Variants in TMEM165 observed in about 807,000 individuals in gnomAD.
TMEM165 encodes transmembrane protein 165, also known as putative divalent cation/proton antiporter TMEM165.
TMEM165 carries 19 observed loss-of-function variants against 30.0 expected under a neutral mutation model. The observed-to-expected ratio is 0.63, with a 90% CI of 0.44 to 0.93. The LOEUF (loss-of-function observed/expected upper bound fraction) is 0.93. TMEM165 is among the 40% of genes least tolerant of loss of function. TMEM165 has a pLI of 0.00. For missense variants in TMEM165, 340 were observed against 417.0 expected (o/e 0.82, Z 1.61); for synonymous variants, 168 against 162.9 (o/e 1.03, Z -0.24).
At chr4:55,453,071 C>T in exon 4 of TMEM165, 1 of 1,610,596 alleles carries the variant, frequency 6.2e-7, no homozygotes, top group Non-Finnish European at 8.5e-7. Flanking sequence ...GCAGCTGTCT[C>T]AGGAAGAGAC....
intron 5 of TMEM165, 55 bp from the exon 6 acceptor site, chr4:55,425,321 C>G: frequency 1.4e-6 from 2 of 1,409,246 alleles, no homozygotes; most frequent in Non-Finnish European, 2.0e-6. Context: ...TCATTTTGTA[C>G]AGTATCAAGG....
At chr4:55,444,017 A>G (rs1210467964) in intron 3 of TMEM165, 1 of 766,096 alleles carries the variant, frequency 1.3e-6, no homozygotes. Context: ...AGGCTAAGTC[A>G]CTTTGAAGAA....
At chr4:55,444,932 A>T in intron 3 of TMEM165, 2 of 852,864 alleles carry the variant, frequency 2.3e-6, no homozygotes, top group Non-Finnish European at 3.7e-6. Flanking sequence ...TAATCCACCC[A>T]TCTTTGCTCT....
rs1262389011 is a variant in TMEM165, at chr4:55,421,188, AGAC to A, written c.792+3207_792+3209del. Among the ~76,000 whole-genome samples the A allele has an allele frequency of 8.8e-4, 126 of 142,592 alleles. 2 individuals carry two copies. Among genetic ancestry groups the A allele is most frequent in the African/African-American group, 3.4e-3 (122 of 36,358 alleles). 93.5% of individuals were successfully genotyped at this position (142,592 alleles called of 152,430 possible). A position where few individuals can be genotyped will look rare whatever the true frequency, so the allele number is the denominator to read the frequency against. On this transcript the variant is annotated intron_variant, in intron 4 of 5. Transcript: ENST00000381334. ...TCTCAAAAAAAAAAAAAAAAAAAAA[AGAC>A]GACTCAGTATACAAATAAAGACTGG...
At chr4:55,447,273 G>A (rs189925980) in intron 3 of TMEM165, among the ~76,000 whole-genome samples, 91 of 152,138 alleles carry the variant, frequency 6.0e-4, no homozygotes, top group Admixed American at 1.8e-3. Flanking sequence ...AGACTGAGGC[G>A]GGATCGCCTG....
intron 4 of TMEM165, among the ~76,000 whole-genome samples, chr4:55,422,183 G>T (rs1207868891): frequency 6.6e-6 from 1 of 152,160 alleles, no homozygotes; most frequent in Non-Finnish European, 1.5e-5. Context: ...TTCTTTCTCT[G>T]TCCTTCCTTG....
chr4:55,399,077 C>T (rs917013617), intron 1 of TMEM165: 2 of 151,982 alleles, frequency 1.3e-5, no homozygotes, highest in African/African-American at 2.4e-5. Context: ...TTCCGGGACT[C>T]TTATAAAGTT....
chr4:55,419,343 C>G (rs1488313849), intron 4 of TMEM165, among the ~76,000 whole-genome samples: 3 of 152,058 alleles, frequency 2.0e-5, no homozygotes, highest in African/African-American at 7.2e-5. Context: ...AAGTCTTAGC[C>G]CAAGAATCCT....
intron 1 of TMEM165, among the ~76,000 whole-genome samples, chr4:55,407,965 G>A (rs2048564): frequency 0.3 from 46,213 of 151,932 alleles, 7,644 homozygotes; most frequent in East Asian, 0.58. Context: ...AGGTCACGCC[G>A]TAACTGATAA....
Position 55,435,398 on chromosome 4 carries a change from G to A in TMEM165, c.408+10755G>A, listed in dbSNP as rs536813389. 2.5e-5 allele frequency: 40 copies of A among 1,613,638 alleles called. No homozygotes were observed. The Admixed American group carries it at 6.2e-4, about 25-fold the overall frequency. ...CATCCCCTTCCTCCCTTGATGTCAA[G>A]AGAGGAAGCACGTGTGCTACTGTGG... On this transcript the variant is annotated intron_variant, in intron 3 of 3. Coordinates refer to the TMEM165 transcript ENST00000608091.
chr4:55,443,582 A>C (rs1286319898), intron 3 of TMEM165: 4 of 894,644 alleles, frequency 4.5e-6, no homozygotes, highest in South Asian at 4.2e-5. Context: ...AATACTATTA[A>C]ATTTTGAAAT....
chr4:55,412,904 T>A (rs1190949817), intron 2 of TMEM165, among the ~76,000 whole-genome samples: 1 of 152,110 alleles, frequency 6.6e-6, no homozygotes, highest in Non-Finnish European at 1.5e-5. Flanking sequence ...AAATATATTA[T>A]AAATTTAAAT....
At chr4:55,412,417 A>T (rs989780932) in intron 2 of TMEM165, among the ~76,000 whole-genome samples, 11 of 148,674 alleles carry the variant, frequency 7.4e-5, no homozygotes, top group African/African-American at 2.7e-4. Context: ...AAAAAAAAAA[A>T]GGGAGACTGT....
At chr4:55,406,832 T>C (rs1199226512) in intron 1 of TMEM165, among the ~76,000 whole-genome samples, 1 of 152,088 alleles carries the variant, frequency 6.6e-6, no homozygotes, top group Non-Finnish European at 1.5e-5. Flanking sequence ...CCAGCTACTT[T>C]TGTATTTTTT....
At position 55,402,743 on chromosome 4, in the gene TMEM165, G is replaced by A. The variant is rs1247847911; in HGVS notation, c.207+6347G>A. Among the ~76,000 whole-genome samples, 3 of 144,298 alleles carry A rather than the reference G, an allele frequency of 2.1e-5. 1 individual carries two copies. The highest frequency in any genetic ancestry group is 5.5e-5 in the African/African-American group (2 of 36,694). The allele number at this position is 144,298 out of a possible 152,430, so 94.7% of individuals were successfully genotyped here. On this transcript the variant is annotated intron_variant, in intron 1 of 5. Transcript: ENST00000381334. ...ATTACAGGCATGAGCCACCATGCCC[G>A]GCCTAAGTGCATATATATTTTTGGG...
intron 2 of TMEM165, among the ~76,000 whole-genome samples, chr4:55,413,792 A>ATG (rs1374890866): frequency 6.6e-6 from 1 of 152,232 alleles, no homozygotes; most frequent in Admixed American, 6.5e-5. Flanking sequence ...AAAATTGTAA[A>ATG]TGTGTATATA....
At chr4:55,398,009 T>C (rs1348720914) in intron 1 of TMEM165, among the ~76,000 whole-genome samples, 1 of 152,236 alleles carries the variant, frequency 6.6e-6, no homozygotes, top group East Asian at 1.9e-4. Flanking sequence ...TCCCAAGTGC[T>C]GGTGAGCTCT....
chr4:55,402,795 C>CTTTT (rs71194554), intron 1 of TMEM165, among the ~76,000 whole-genome samples: 6 of 71,414 alleles, frequency 8.4e-5, no homozygotes, highest in Admixed American at 7.9e-4. Context: ...TTAAAAAAAG[C>CTTTT]TTTTTTTTTT....
downstream of TMEM165, among the ~76,000 whole-genome samples, chr4:55,427,656 TAAC>T (rs545230029): frequency 0.013 from 1,932 of 152,284 alleles, 46 homozygotes; most frequent in African/African-American, 0.043. Context: ...TTTTTTCTAA[TAAC>T]AACAGAAAAG....
Sources: gnomAD v4.1 joint callset for allele counts (sites outside exome capture counted in the v4.1 genomes callset) on GRCh38, gnomAD v4.1.1 for gene constraint, MANE v1.5 for transcripts, NCBI Gene and HGNC (gene_info 2026-07-23, HGNC 2026-07-21) for gene names.